Variants in CTNNBL1 observed in about 807,000 individuals in gnomAD.
The protein encoded by CTNNBL1 is beta-catenin-like protein 1.
A neutral mutation model predicts 72.7 loss-of-function variants in CTNNBL1; 31 were observed. That is an observed-to-expected ratio of 0.43 (90% CI 0.32 to 0.58). CTNNBL1 has a LOEUF of 0.58. Among genes scored for constraint, CTNNBL1 ranks in the 20% least tolerant of loss-of-function variants. The pLI is 0.08. For missense variants in CTNNBL1, 534 were observed against 725.1 expected, an observed-to-expected ratio of 0.74 and a Z score of 3.03; for synonymous variants, 240 against 267.3, an observed-to-expected ratio of 0.90 and a Z score of 1.00.
chr20:37,763,519 C>T (rs1206693252), intron 5 of CTNNBL1, among the ~76,000 whole-genome samples: 1 of 152,146 alleles, frequency 6.6e-6, no homozygotes, highest in African/African-American at 2.4e-5. Flanking sequence ...TCACCTTTCC[C>T]TTGTCCGTGT....
chr20:37,838,991 A>T (rs1330841800), intron 11 of CTNNBL1, among the ~76,000 whole-genome samples: 1 of 152,218 alleles, frequency 6.6e-6, no homozygotes, highest in African/African-American at 2.4e-5. Flanking sequence ...ACTGACCTAT[A>T]GGTTCAAATT....
At chr20:37,710,237 C>G (rs1162860386) in intron 1 of CTNNBL1, among the ~76,000 whole-genome samples, 4 of 152,148 alleles carry the variant, frequency 2.6e-5, no homozygotes, top group East Asian at 1.9e-4. Flanking sequence ...TACTTCTGCA[C>G]TGTGGAATAG....
chr20:37,697,397 TG>T (rs1355539999), intron 1 of CTNNBL1, among the ~76,000 whole-genome samples: 1 of 152,230 alleles, frequency 6.6e-6, no homozygotes, highest in African/African-American at 2.4e-5. Context: ...GGGAGCAGAA[TG>T]ATGGAGGCAG....
At chr20:37,702,599 A>G (rs1568742736) in intron 1 of CTNNBL1, among the ~76,000 whole-genome samples, 3 of 152,348 alleles carry the variant, frequency 2.0e-5, no homozygotes, top group South Asian at 4.1e-4. Context: ...GAGGACCAGA[A>G]CAGATACAGA....
At chr20:37,765,743 CTTCTT>C (rs1417765134) in intron 6 of CTNNBL1, among the ~76,000 whole-genome samples, 1 of 152,160 alleles carries the variant, frequency 6.6e-6, no homozygotes, top group African/African-American at 2.4e-5. Context: ...TTTTCTCTCT[CTTCTT>C]AGGTGTAGAC....
chr20:37,818,648 G>A (rs1285408169), intron 11 of CTNNBL1, among the ~76,000 whole-genome samples: 1 of 152,118 alleles, frequency 6.6e-6, no homozygotes, highest in Non-Finnish European at 1.5e-5. Flanking sequence ...GAAAGATACA[G>A]TCCCAAATGC....
At chr20:37,817,787 A>G (rs1014263162) in intron 11 of CTNNBL1, among the ~76,000 whole-genome samples, 4 of 152,222 alleles carry the variant, frequency 2.6e-5, no homozygotes, top group Non-Finnish European at 2.9e-5. Context: ...GCAAGAATCT[A>G]TAAAATGGGA....
At chr20:37,727,151 T>C (rs140991307) in intron 1 of CTNNBL1, among the ~76,000 whole-genome samples, 65 of 152,236 alleles carry the variant, frequency 4.3e-4, no homozygotes, top group African/African-American at 1.6e-3. Flanking sequence ...TTCTCACTGC[T>C]TTTTAATTAA....
chr20:37,699,045 C>G (rs1847590014), intron 1 of CTNNBL1, among the ~76,000 whole-genome samples: 1 of 151,828 alleles, frequency 6.6e-6, no homozygotes, highest in African/African-American at 2.4e-5. Flanking sequence ...GACCCTGTCT[C>G]AAAAACAAAA....
chr20:37,807,724 T>A (rs915063879), intron 11 of CTNNBL1, among the ~76,000 whole-genome samples: 1 of 152,208 alleles, frequency 6.6e-6, no homozygotes, highest in Non-Finnish European at 1.5e-5. Context: ...TAGGTTTGCA[T>A]AATAAAACCT....
intron 13 of CTNNBL1, among the ~76,000 whole-genome samples, chr20:37,859,436 A>G (rs1322880236): frequency 6.6e-6 from 1 of 152,038 alleles, no homozygotes; most frequent in Non-Finnish European, 1.5e-5. Flanking sequence ...TTGCAGGAGA[A>G]GTACAGTTTC....
intron 1 of CTNNBL1, among the ~76,000 whole-genome samples, chr20:37,712,893 G>T (rs2072950758): frequency 6.6e-6 from 1 of 152,240 alleles, no homozygotes; most frequent in African/African-American, 2.4e-5. Context: ...CTAATTTTCA[G>T]TGCATCTCTT....
intron 15 of CTNNBL1, among the ~76,000 whole-genome samples, chr20:37,871,214 GTGC>G (rs536109643): frequency 1.3e-5 from 2 of 152,232 alleles, no homozygotes; most frequent in African/African-American, 2.4e-5. Flanking sequence ...TTTCCATGCA[GTGC>G]TGCTGCTGCT....
chr20:37,782,229 T>C (rs182015935), intron 10 of CTNNBL1, among the ~76,000 whole-genome samples: 125 of 152,294 alleles, frequency 8.2e-4, no homozygotes, highest in Admixed American at 5.4e-3. Context: ...TAAATAACTA[T>C]AATATAATTT....
chr20:37,769,424 C>T (rs1271171860), intron 7 of CTNNBL1, among the ~76,000 whole-genome samples: 1 of 152,168 alleles, frequency 6.6e-6, no homozygotes, highest in Non-Finnish European at 1.5e-5. Flanking sequence ...ATAGTGAAAA[C>T]TGGTATTATT....
chr20:37,775,017 T>C (rs2073561387), intron 7 of CTNNBL1, among the ~76,000 whole-genome samples: 1 of 152,200 alleles, frequency 6.6e-6, no homozygotes, highest in Non-Finnish European at 1.5e-5. Flanking sequence ...TAGATTCCCA[T>C]TGTCAGCTTA....
chr20:37,716,894 T>C (rs974385150), intron 1 of CTNNBL1, among the ~76,000 whole-genome samples: 2 of 152,246 alleles, frequency 1.3e-5, no homozygotes, highest in Admixed American at 6.5e-5. Flanking sequence ...AACAGACTTA[T>C]ATGGATACAT....
chr20:37,811,332 G>A (rs746510699), intron 11 of CTNNBL1, among the ~76,000 whole-genome samples: 10 of 152,168 alleles, frequency 6.6e-5, no homozygotes, highest in Non-Finnish European at 1.3e-4. Flanking sequence ...GGTTATAGTG[G>A]TCAGAACAAT....
intron 6 of CTNNBL1, among the ~76,000 whole-genome samples, chr20:37,766,097 C>G (rs2073465492): frequency 6.6e-6 from 1 of 151,532 alleles, no homozygotes; most frequent in Non-Finnish European, 1.5e-5. Flanking sequence ...TATTGTAGTT[C>G]TGGACTCTGT....
Sources: gnomAD v4.1 joint callset for allele counts (sites outside exome capture counted in the v4.1 genomes callset) on GRCh38, gnomAD v4.1.1 for gene constraint, MANE v1.5 for transcripts, NCBI Gene and HGNC (gene_info 2026-07-23, HGNC 2026-07-21) for gene names.